The following RBM33 variants were observed in gnomAD, a reference collection of about 807,000 sequenced individuals.
RBM33 encodes RNA-binding protein 33.
Under a neutral mutation model 132.6 loss-of-function variants are expected in RBM33, and 28 were observed. That is an observed-to-expected ratio of 0.21 (90% CI 0.16 to 0.29). The LOEUF is 0.29. RBM33 is among the 10% of genes least tolerant of loss of function. The probability of loss-of-function intolerance (pLI) is 1.00; values close to 1 mark genes in which losing one functional copy is unlikely to be tolerated. For missense variants in RBM33, 1,291 were observed against 1,518.5 expected, an observed-to-expected ratio of 0.85 and a Z score of 2.49; for synonymous variants, 634 against 593.0, an observed-to-expected ratio of 1.07 and a Z score of -1.01.
chr7:155,684,889 A>G (rs1799430410), intron 5 of RBM33: 2 of 1,541,212 alleles, frequency 1.3e-6, no homozygotes, highest in African/African-American at 2.8e-5. Flanking sequence ...AAACCACCCC[A>G]AAGCTGTATG....
chr7:155,673,768 G>GCGCGCACGCA (rs1554469952), intron 3 of RBM33, among the ~76,000 whole-genome samples: 9 of 132,962 alleles, frequency 6.8e-5, no homozygotes, highest in Non-Finnish European at 1.1e-4. Context: ...GCGCATGCGC[G>GCGCGCACGCA]CACACACACA....
At chr7:155,673,768 G>GCACGCGCACACA (rs1554469953) in intron 3 of RBM33, among the ~76,000 whole-genome samples, 1 of 132,962 alleles carries the variant, frequency 7.5e-6, no homozygotes, top group Non-Finnish European at 1.5e-5. Context: ...GCGCATGCGC[G>GCACGCGCACACA]CACACACACA....
At chr7:155,656,319 A>G (rs1319222059) in intron 1 of RBM33, among the ~76,000 whole-genome samples, 1 of 152,216 alleles carries the variant, frequency 6.6e-6, no homozygotes, top group Non-Finnish European at 1.5e-5. Context: ...TGGTGGCACA[A>G]AATCATGGTT....
Position 155,644,884 on chromosome 7 carries a change from C to T in RBM33, c.8C>T (p.Ala3Val), listed in dbSNP as rs1413534905. Residue 3 changes from alanine (A) to valine (V), a missense_variant, in exon 1 of 18, where the codon GCC becomes GTC. Ala to Val is a moderately conservative substitution (Grantham distance 64). Around this residue, in one of 7 missense-constraint regions of RBM33, gnomAD observed 194 missense variants for 249.8 expected, o/e 0.78. Coordinates refer to ENST00000401878, the MANE Select transcript of RBM33 (RefSeq NM_053043.3). MA[A>V]ALGASGGAGA... ...CCGGGCCCCGCGAGTGCCATGGCGG[C>T]CGCCCTGGGAGCGAGCGGAGGAGCA... The T allele has an allele frequency of 2.0e-6, 3 of 1,493,610 alleles. No homozygotes were observed. In the South Asian group the frequency reaches 3.7e-5, roughly 19 times the overall value. 92.5% of individuals were successfully genotyped at this position (1,493,610 alleles called of 1,614,324 possible).
chr7:155,651,054 T>A (rs545586304), intron 1 of RBM33, among the ~76,000 whole-genome samples: 95 of 152,276 alleles, frequency 6.2e-4, no homozygotes, highest in African/African-American at 2.2e-3. Flanking sequence ...ATTTTTGTAT[T>A]TTTAGTAGAG....
chr7:155,733,642 A>G (rs1365862214), intron 9 of RBM33, among the ~76,000 whole-genome samples: 4 of 152,190 alleles, frequency 2.6e-5, no homozygotes, highest in African/African-American at 9.7e-5. Flanking sequence ...CTTAGAAAGC[A>G]TTGGTTCTTG....
chr7:155,707,087 G>C lies in RBM33; in HGVS notation c.948+19G>C, dbSNP rs1184622605. On this transcript the variant is annotated intron_variant, in intron 7 of 17. Transcript: ENST00000401878. ...TGTCGTGGTAACTTCAGATTTTCTT[G>C]TAGTAGCCCTAGAACTTCAGAACAA... 1 of 1,526,958 alleles carries C rather than the reference G, an allele frequency of 6.5e-7. No individual in the cohort carries two copies. Among genetic ancestry groups the C allele is most frequent in the Non-Finnish European group, 8.8e-7 (1 of 1,133,586 alleles). The allele number at this position is 1,526,958 out of a possible 1,614,324, so 94.6% of individuals were successfully genotyped here.
At position 155,644,802 on chromosome 7, in the gene RBM33, C is replaced by T. The variant is rs76847091; in HGVS notation, c.-75C>T. 3.9e-6 allele frequency: 5 copies of T among 1,273,250 alleles called. No individual in the cohort carries two copies. Among genetic ancestry groups the T allele is most frequent in the Non-Finnish European group, 5.2e-6 (5 of 965,432 alleles). The allele number at this position is 1,273,250 out of a possible 1,614,324, so 78.9% of individuals were successfully genotyped here. ...CTTCTCTGTCCTCCGTCACCCGTAC[C>T]CGGGCCCGGACCAGGCACGTCGGCC... On this transcript the variant is annotated 5_prime_UTR_variant, in exon 1 of 18. Coordinates refer to ENST00000401878, the MANE Select transcript of RBM33 (RefSeq NM_053043.3).
intron 14 of RBM33, among the ~76,000 whole-genome samples, chr7:155,749,664 G>A (rs541056910): frequency 1.3e-5 from 2 of 152,326 alleles, no homozygotes; most frequent in East Asian, 1.9e-4. Flanking sequence ...GATAGTGACT[G>A]CCTGGAACAA....
intron 3 of RBM33, among the ~76,000 whole-genome samples, chr7:155,675,338 C>CT (rs1458647337): frequency 8.1e-5 from 12 of 147,676 alleles, no homozygotes; most frequent in African/African-American, 2.5e-4. Context: ...TAAAACGTTA[C>CT]TTTTTTTTTA....
chr7:155,661,415 C>CT (rs1017222305), intron 1 of RBM33, among the ~76,000 whole-genome samples: 21 of 128,018 alleles, frequency 1.6e-4, no homozygotes, highest in Middle Eastern at 4.0e-3. Context: ...CTTTTTTTTT[C>CT]TTTTTTTTCC....
Position 155,700,856 on chromosome 7 carries a change from A to T in RBM33, c.651A>T (p.Arg217=), listed in dbSNP as rs773974371. 6.2e-7 allele frequency: 1 copy of T among 1,610,440 alleles called. No individual in the cohort carries two copies. Among genetic ancestry groups the T allele is most frequent in the South Asian group, 1.1e-5 (1 of 90,006 alleles). Residue 217 remains arginine (R), a synonymous_variant, in exon 6 of 18, where the codon CGA becomes CGT. Coordinates refer to ENST00000401878, the MANE Select transcript of RBM33 (RefSeq NM_053043.3). ...EEEEDDEESG[R]LRFKTERKEG... is the part of the protein sequence containing the mutation. The stretch of plus-strand genomic sequence containing the variant: ...AAGAAGATGATGAAGAATCTGGACG[A>T]TTACGTTTCAAAACTGAAAGGAAAG...
At chr7:155,762,244 C>A (rs940327965) in intron 14 of RBM33, among the ~76,000 whole-genome samples, 1 of 152,214 alleles carries the variant, frequency 6.6e-6, no homozygotes, top group Non-Finnish European at 1.5e-5. Context: ...GCTGCCTGTT[C>A]CAAACTGAAC....
chr7:155,735,939 T>C (rs1244526427), intron 9 of RBM33, among the ~76,000 whole-genome samples: 1 of 152,218 alleles, frequency 6.6e-6, no homozygotes, highest in African/African-American at 2.4e-5. Context: ...CAGGCAATAG[T>C]ATGCTGTGGA....
chr7:155,672,802 G>T, intron 2 of RBM33, 65 bp from the exon 3 acceptor site: 18 of 1,026,192 alleles, frequency 1.8e-5, no homozygotes, highest in Non-Finnish European at 2.6e-5. Context: ...AAATTTCCAA[G>T]TGATCTACAA....
At chr7:155,704,867 T>C (rs1160899224) in intron 6 of RBM33, among the ~76,000 whole-genome samples, 1 of 152,202 alleles carries the variant, frequency 6.6e-6, no homozygotes, top group East Asian at 1.9e-4. Flanking sequence ...AATTCAGAAT[T>C]GCTAATGCCA....
At chr7:155,749,598 A>G (rs796675736) in intron 14 of RBM33, among the ~76,000 whole-genome samples, 10 of 149,818 alleles carry the variant, frequency 6.7e-5, no homozygotes, top group African/African-American at 2.5e-4. Flanking sequence ...TCCTAGGATA[A>G]TGATGATGAT....
intron 14 of RBM33, among the ~76,000 whole-genome samples, chr7:155,750,735 T>G (rs1386233672): frequency 6.6e-6 from 1 of 152,156 alleles, no homozygotes; most frequent in African/African-American, 2.4e-5. Context: ...AAAATGGTTT[T>G]TTTTTTTTTT....
At chr7:155,698,091 A>C (rs945659904) in intron 5 of RBM33, among the ~76,000 whole-genome samples, 1 of 152,304 alleles carries the variant, frequency 6.6e-6, no homozygotes, top group Non-Finnish European at 1.5e-5. Context: ...ACAGAAGGCC[A>C]GGCGTGGTGG....
Sources: allele counts gnomAD v4.1 joint callset (sites outside exome capture counted in the v4.1 genomes callset), GRCh38; gene constraint gnomAD v4.1.1; regional missense constraint gnomAD v4.1.1; transcripts MANE v1.5; gene names NCBI Gene and HGNC (gene_info 2026-07-23, HGNC 2026-07-21).